NKD1: variants seen among roughly 807,000 people sequenced by gnomAD.
NKD1 encodes NKD inhibitor of Wnt signaling pathway 1.
In NKD1, 21 loss-of-function variants were observed where a neutral mutation model predicts 56.0. The observed-to-expected ratio is 0.38, with a 90% CI of 0.27 to 0.54. The LOEUF (loss-of-function observed/expected upper bound fraction) is 0.54. Among genes scored for constraint, NKD1 ranks in the 20% least tolerant of loss-of-function variants. NKD1 has a pLI of 0.82. For missense variants in NKD1, 578 were observed against 642.7 expected (o/e 0.90, Z 1.09); for synonymous variants, 263 against 265.7 (o/e 0.99, Z 0.10).
At chr16:50,616,192 C>A in intron 4 of NKD1, 1 of 420,018 alleles carries the variant, frequency 2.4e-6, no homozygotes, top group Non-Finnish European at 5.0e-6. Flanking sequence ...CAAGGAAGTT[C>A]TGGCTTGTGT....
chr16:50,633,983 G>A lies in NKD1; in HGVS notation c.*202G>A, dbSNP rs1282656051. Reference sequence around the variant, plus strand: ...CTTTTATTTATATGTTGTGGGGACTGCATAACTAGCCCAGGAAATGACTCT... The same window carrying A: ...CTTTTATTTATATGTTGTGGGGACTACATAACTAGCCCAGGAAATGACTCT... On this transcript the variant is annotated 3_prime_UTR_variant, in exon 10 of 10. Coordinates refer to ENST00000268459, the MANE Select transcript of NKD1 (RefSeq NM_033119.5). This position sits in a 1 kb window ranked among gnomAD's most constrained non-coding sequence, Gnocchi z 4.9. 5 of 460,354 alleles carry A rather than the reference G, an allele frequency of 1.1e-5. No homozygotes were observed. Among genetic ancestry groups the A allele is most frequent in the Non-Finnish European group, 1.9e-5 (5 of 262,066 alleles). 28.5% of individuals were successfully genotyped at this position (460,354 alleles called of 1,614,324 possible).
chr16:50,589,694 T>TTCTCTTCTC (rs1961307335), intron 3 of NKD1, among the ~76,000 whole-genome samples: 1 of 120,560 alleles, frequency 8.3e-6, no homozygotes, highest in African/African-American at 3.1e-5. Flanking sequence ...TTTCTTTTCT[T>TTCTCTTCTC]TTCTCTTCTC....
chr16:50,613,853 A>G (rs1334765755), intron 4 of NKD1, among the ~76,000 whole-genome samples: 2 of 151,894 alleles, frequency 1.3e-5, no homozygotes, highest in Non-Finnish European at 2.9e-5. Context: ...CCCTGAACAG[A>G]TGTTTCGTCT....
intron 4 of NKD1, among the ~76,000 whole-genome samples, chr16:50,616,455 C>G (rs1360291181): frequency 6.6e-6 from 1 of 152,236 alleles, no homozygotes; most frequent in Non-Finnish European, 1.5e-5. Context: ...CTCCCCACCT[C>G]CCCATGGCAC....
In NKD1 at chr16:50,598,260, TGTGC is replaced by T. The variant is rs1194671421; in HGVS notation, c.193-10032_193-10029del. Among the ~76,000 whole-genome samples the T allele has an allele frequency of 7.2e-6, 1 of 137,998 alleles. No individual in the cohort carries two copies. Among genetic ancestry groups the T allele is most frequent in the Admixed American group, 7.2e-5 (1 of 13,942 alleles). 90.5% of individuals were successfully genotyped at this position (137,998 alleles called of 152,430 possible). On this transcript the variant is annotated intron_variant, in intron 3 of 9. Coordinates refer to ENST00000268459, the MANE Select transcript of NKD1 (RefSeq NM_033119.5). The surrounding 1 kb of genome is among the most constrained non-coding windows in gnomAD (Gnocchi z 4.2). ...GTGTGTGTGTGTGTGTGTGTGTGTG[TGTGC>T]GCGCACACCTGTGCTCATGGACACT...
At chr16:50,549,343 C>T in intron 2 of NKD1, 79 bp from the exon 3 acceptor site, 5 of 1,540,410 alleles carry the variant, frequency 3.2e-6, no homozygotes, top group South Asian at 2.4e-5. Flanking sequence ...CCTCCCACCG[C>T]GCCTCCTTCT....
In NKD1 at chr16:50,638,594, G is replaced by A. The variant is rs1188400428; in HGVS notation, c.*4813G>A. The stretch of plus-strand genomic sequence containing the variant: ...ATGAAAAGTTTGATCACTTGCCACA[G>A]TCAGGACCTTTGTGTGGGGCTCTGA... On this transcript the variant is annotated 3_prime_UTR_variant, in exon 10 of 10. Coordinates refer to ENST00000268459, the MANE Select transcript of NKD1 (RefSeq NM_033119.5). 2 of 152,274 alleles carry A rather than the reference G, an allele frequency of 1.3e-5. No individual in the cohort carries two copies. The highest frequency in any genetic ancestry group is 2.9e-5 in the Non-Finnish European group (2 of 68,068). 9.4% of individuals were successfully genotyped at this position (152,274 alleles called of 1,614,324 possible).
chr16:50,611,214 C>G (rs147807317), intron 4 of NKD1, among the ~76,000 whole-genome samples: 6 of 152,172 alleles, frequency 3.9e-5, no homozygotes, highest in Admixed American at 6.5e-5. Context: ...CTCTCCAGGT[C>G]CCCCCTGCCT....
At position 50,598,789 on chromosome 16, in the gene NKD1, C is replaced by T. The variant is rs112792213; in HGVS notation, c.193-9505C>T. Among the ~76,000 whole-genome samples the T allele has an allele frequency of 3.4e-3, 512 of 151,788 alleles. 6 individuals are homozygous for T. Among genetic ancestry groups the T allele is most frequent in the African/African-American group, 0.011 (461 of 41,374 alleles). On this transcript the variant is annotated intron_variant, in intron 3 of 9. Coordinates refer to ENST00000268459, the MANE Select transcript of NKD1 (RefSeq NM_033119.5). This position sits in a 1 kb window ranked among gnomAD's most constrained non-coding sequence, Gnocchi z 4.2. The stretch of plus-strand genomic sequence containing the variant: ...ATGGTGGGGCCAGTGGTGTGGTGGG[C>T]AGTGGTGTGGCAGGATCAGTGGTGC...
At chr16:50,569,715 C>T (rs376107023) in intron 3 of NKD1, among the ~76,000 whole-genome samples, 258 of 152,320 alleles carry the variant, frequency 1.7e-3, no homozygotes, top group African/African-American at 5.9e-3. Flanking sequence ...TCCTCTCCTC[C>T]CACTTAGATT....
At position 50,623,851 on chromosome 16, in the gene NKD1, CGT is replaced by C. The variant is rs142714181; in HGVS notation, c.367-1619_367-1618del. ...GTGTAGGTACGTGTGTAGGGGTATG[CGT>C]GTGTGTGTGTGTGTAGGGGTATGTA... On this transcript the variant is annotated intron_variant, in intron 5 of 9. Transcript: ENST00000268459. The surrounding 1 kb of genome is among the most constrained non-coding windows in gnomAD (Gnocchi z 4.1). Among the ~76,000 whole-genome samples the C allele has an allele frequency of 2.5e-4, 37 of 145,560 alleles. No individual in the cohort carries two copies. Among genetic ancestry groups the C allele is most frequent in the Admixed American group, 9.6e-4 (14 of 14,622 alleles).
intron 3 of NKD1, among the ~76,000 whole-genome samples, chr16:50,602,032 A>G (rs2098732158): frequency 6.6e-6 from 1 of 152,028 alleles, no homozygotes; most frequent in Non-Finnish European, 1.5e-5. Flanking sequence ...TTATTTTTGT[A>G]TCACTGGCCT....
intron 3 of NKD1, among the ~76,000 whole-genome samples, chr16:50,593,472 T>TGGTA (rs1961411895): frequency 1.3e-5 from 2 of 152,262 alleles, no homozygotes; most frequent in East Asian, 1.9e-4. Context: ...CTCAGTAGGG[T>TGGTA]CAGGCTCTCA....
At chr16:50,630,384 AG>A in intron 7 of NKD1, 51 bp downstream of exon 7, 1 of 1,602,368 alleles carries the variant, frequency 6.2e-7, no homozygotes, top group Non-Finnish European at 8.5e-7. Context: ...CATCTCAGGA[AG>A]GAACAGAGCC....
chr16:50,584,654 C>T (rs1378794554), intron 3 of NKD1, among the ~76,000 whole-genome samples: 2 of 152,110 alleles, frequency 1.3e-5, no homozygotes, highest in African/African-American at 4.8e-5. Flanking sequence ...ACAGAGTAGC[C>T]GTTGGTAAAT....
intron 3 of NKD1, among the ~76,000 whole-genome samples, chr16:50,588,423 G>A (rs998544013): frequency 3.3e-5 from 5 of 152,040 alleles, no homozygotes; most frequent in African/African-American, 1.2e-4. Flanking sequence ...CCATTGTTTT[G>A]CCATTGTTTC....
At chr16:50,548,667 CCCGCCGCCGCGGCTGCCG>C in intron 1 of NKD1, 32 bp from the exon 2 acceptor site, 1 of 1,465,882 alleles carries the variant, frequency 6.8e-7, no homozygotes, top group Non-Finnish European at 9.0e-7. Flanking sequence ...CTTTCCTTCT[CCCGCCGCCGCGGCTGCCG>C]CCGCCGCCGC....
At chr16:50,604,368 A>T (rs113501566) in intron 3 of NKD1, among the ~76,000 whole-genome samples, 3,255 of 152,292 alleles carry the variant, frequency 0.021, 39 homozygotes, top group Middle Eastern at 0.031. Context: ...AGGATGGGGC[A>T]TGTTTCCAGG....
At position 50,648,771 on chromosome 16, in the gene NKD1, G is replaced by C. The variant is rs1347698117; in HGVS notation, c.*14990G>C. The C allele has an allele frequency of 6.6e-6, 1 of 152,318 alleles. No individual in the cohort carries two copies. The highest frequency in any genetic ancestry group is 1.5e-5 in the Non-Finnish European group (1 of 68,026). The allele number at this position is 152,318 out of a possible 1,614,324, so 9.4% of individuals were successfully genotyped here. On this transcript the variant is annotated 3_prime_UTR_variant, in exon 10 of 10. Coordinates refer to ENST00000268459, the MANE Select transcript of NKD1 (RefSeq NM_033119.5). ...AGCTCCTGGGAATCTCCTTTAAAAAGAGAGCTTGTTTATACCTATTGTCAT... is the reference window on the plus strand; with the variant it reads ...AGCTCCTGGGAATCTCCTTTAAAAACAGAGCTTGTTTATACCTATTGTCAT...
Sources: gnomAD v4.1 joint callset for allele counts (sites outside exome capture counted in the v4.1 genomes callset) on GRCh38, gnomAD v4.1.1 for gene constraint, Gnocchi (gnomAD v3.1) non-coding constraint, MANE v1.5 for transcripts, NCBI Gene and HGNC (gene_info 2026-07-23, HGNC 2026-07-21) for gene names.